Variants in PCDH9 observed in about 807,000 individuals in gnomAD.
The protein encoded by PCDH9 is protocadherin 9, also known as protocadherin-9.
A neutral mutation model predicts 70.6 loss-of-function variants in PCDH9; 24 were observed. The observed-to-expected ratio is 0.34, with a 90% CI of 0.25 to 0.48. The LOEUF (loss-of-function observed/expected upper bound fraction) is 0.48. PCDH9 is among the 20% of genes least tolerant of loss of function. The probability of loss-of-function intolerance (pLI) is 0.99; values close to 1 mark genes in which losing one functional copy is unlikely to be tolerated. For synonymous variants in PCDH9, 562 were observed against 558.5 expected (o/e 1.01, Z -0.09); for missense variants, 1,281 against 1,503.6 (o/e 0.85, Z 2.45).
At chr13:66,905,231 A>G (rs1231879669) in intron 2 of PCDH9, among the ~76,000 whole-genome samples, 1 of 151,956 alleles carries the variant, frequency 6.6e-6, no homozygotes, top group Non-Finnish European at 1.5e-5. Flanking sequence ...TTCATCTGTG[A>G]TGTCCATAGA....
chr13:67,063,639 G>C (rs569081424), intron 2 of PCDH9, among the ~76,000 whole-genome samples: 1 of 151,870 alleles, frequency 6.6e-6, no homozygotes, highest in Admixed American at 6.6e-5. Flanking sequence ...TTAATTCGTT[G>C]CTTTAAAAAC....
rs557228188 is a variant in PCDH9 at position 66,878,143 on chromosome 13, A to C, written c.3138+25361T>G. ...ATGCAGAGCATGAAACAGTGAGATG[A>C]GTAAAGGCAATCCAATTCATGAAGA... On this transcript the variant is annotated intron_variant, in intron 3 of 4. Transcript: ENST00000377865. 2.0e-4 allele frequency among the ~76,000 whole-genome samples: 30 copies of C among 152,302 alleles called. 1 individual carries two copies. In the South Asian group the frequency reaches 5.0e-3, roughly 25 times the overall value.
intron 2 of PCDH9, chr13:67,224,743 T>C: frequency 1.3e-6 from 1 of 779,106 alleles, no homozygotes; most frequent in Non-Finnish European, 1.6e-6. Context: ...TTTTTTTTTT[T>C]TTTTGAAAGA....
chr13:66,663,830 G>C (rs1593857972), intron 3 of PCDH9, among the ~76,000 whole-genome samples: 1 of 152,162 alleles, frequency 6.6e-6, no homozygotes, highest in Non-Finnish European at 1.5e-5. Flanking sequence ...TTTGCAGATA[G>C]AGCCTGATCT....
intron 4 of PCDH9, among the ~76,000 whole-genome samples, chr13:66,339,687 A>G (rs577884291): frequency 2.0e-5 from 3 of 152,184 alleles, no homozygotes; most frequent in African/African-American, 7.2e-5. Flanking sequence ...AAATGCATCT[A>G]TTCATTTTTC....
chr13:66,671,417 T>C (rs370947812), intron 3 of PCDH9, among the ~76,000 whole-genome samples: 10 of 152,164 alleles, frequency 6.6e-5, no homozygotes, highest in East Asian at 5.8e-4. Context: ...CAGGAAAATG[T>C]GGGAAAGTTT....
chr13:66,776,162 A>G (rs1277969968), intron 3 of PCDH9, among the ~76,000 whole-genome samples: 2 of 151,880 alleles, frequency 1.3e-5, no homozygotes, highest in Non-Finnish European at 2.9e-5. Flanking sequence ...ACAAACCCAC[A>G]GCCAATATCA....
intron 2 of PCDH9, among the ~76,000 whole-genome samples, chr13:67,085,800 G>T (rs1427084956): frequency 6.6e-6 from 1 of 152,124 alleles, no homozygotes; most frequent in African/African-American, 2.4e-5. Context: ...GCCAGTGGAT[G>T]GTAAATAGAT....
intron 2 of PCDH9, among the ~76,000 whole-genome samples, chr13:67,188,686 C>T (rs370038607): frequency 2.0e-5 from 3 of 152,002 alleles, no homozygotes; most frequent in East Asian, 3.9e-4. Flanking sequence ...AGGCTTTATG[C>T]TTTCACTCTT....
chr13:66,440,038 AT>A (rs1206087858), intron 4 of PCDH9, among the ~76,000 whole-genome samples: 1 of 152,194 alleles, frequency 6.6e-6, no homozygotes, highest in African/African-American at 2.4e-5. Flanking sequence ...ACAAAGTAAA[AT>A]AACATCATAT....
intron 4 of PCDH9, among the ~76,000 whole-genome samples, chr13:66,557,218 C>A (rs1961776297): frequency 6.6e-6 from 1 of 152,064 alleles, no homozygotes; most frequent in Non-Finnish European, 1.5e-5. Context: ...TGTGCATAAA[C>A]CATTCAAAAA....
chr13:67,127,676 A>ATGTGTGTGTGTGTG (rs142545550), intron 2 of PCDH9, among the ~76,000 whole-genome samples: 11 of 145,490 alleles, frequency 7.6e-5, no homozygotes, highest in Non-Finnish European at 1.3e-4. Flanking sequence ...ATATATATAT[A>ATGTGTGTGTGTGTG]TGTGTGTGTG....
intron 4 of PCDH9, among the ~76,000 whole-genome samples, chr13:66,474,863 T>G (rs1212869088): frequency 2.0e-5 from 3 of 152,096 alleles, no homozygotes; most frequent in Non-Finnish European, 4.4e-5. Flanking sequence ...CTGTCCTTAG[T>G]ACTAATGAAT....
chr13:66,915,401 C>A (rs992201966), intron 2 of PCDH9, among the ~76,000 whole-genome samples: 1 of 151,428 alleles, frequency 6.6e-6, no homozygotes, highest in East Asian at 1.9e-4. Context: ...TTTTTCACTT[C>A]CTTTCAATGA....
At chr13:66,439,435 TG>T (rs1957933831) in intron 4 of PCDH9, among the ~76,000 whole-genome samples, 2 of 152,220 alleles carry the variant, frequency 1.3e-5, no homozygotes, top group South Asian at 4.1e-4. Flanking sequence ...AGATTTCAGA[TG>T]TTCTCTCCAC....
intron 3 of PCDH9, among the ~76,000 whole-genome samples, chr13:66,836,609 C>T (rs544585356): frequency 1.3e-5 from 2 of 152,264 alleles, no homozygotes; most frequent in East Asian, 3.9e-4. Flanking sequence ...TACTTTTAAT[C>T]TGTGTTATCC....
intron 4 of PCDH9, among the ~76,000 whole-genome samples, chr13:66,359,944 G>A (rs939891688): frequency 6.6e-6 from 1 of 152,084 alleles, no homozygotes. Flanking sequence ...GGTGATGGTA[G>A]CTATTTATAC....
intron 3 of PCDH9, among the ~76,000 whole-genome samples, chr13:66,741,995 T>G (rs903051536): frequency 1.4e-5 from 2 of 144,610 alleles, no homozygotes; most frequent in Non-Finnish European, 3.0e-5. Flanking sequence ...AAAACTACTT[T>G]AAAGTTCATA....
Position 67,230,187 on chromosome 13 carries a change from C to G in PCDH9, c.-543G>C, listed in dbSNP as rs1484291936. On this transcript the variant is annotated 5_prime_UTR_variant, in exon 1 of 5. Transcript: ENST00000377865. ...TGCGGTGATGATGATTCTCTGACAG[C>G]TATCCGGGTGACAGTTGCCCGAAAA... 2 of 152,248 alleles carry G rather than the reference C, an allele frequency of 1.3e-5. No individual in the cohort carries two copies. The highest frequency in any genetic ancestry group is 6.5e-5 in the Admixed American group (1 of 15,286). 9.4% of individuals were successfully genotyped at this position (152,248 alleles called of 1,614,324 possible). A position where few individuals can be genotyped will look rare whatever the true frequency, so the allele number is the denominator to read the frequency against.
Sources: gnomAD v4.1 joint callset for allele counts (sites outside exome capture counted in the v4.1 genomes callset) on GRCh38, gnomAD v4.1.1 for gene constraint, MANE v1.5 for transcripts, NCBI Gene and HGNC (gene_info 2026-07-23, HGNC 2026-07-21) for gene names.